Variants in DST observed in about 807,000 individuals in gnomAD.
The protein encoded by DST is dystonin, also known as bullous pemphigoid antigen.
A neutral mutation model predicts 875.2 loss-of-function variants in DST; 253 were observed. The ratio of observed to expected loss-of-function variants is 0.29; its 90% CI spans 0.26 to 0.32. DST has a LOEUF of 0.32. Among genes scored for constraint, DST ranks in the 10% least tolerant of loss-of-function variants. The pLI, the probability that DST is intolerant of heterozygous loss-of-function variation, is 1.00. For synonymous variants in DST, 3,124 were observed against 3,197.1 expected (o/e 0.98, Z 0.77); for missense variants, 8,287 against 9,111.6 (o/e 0.91, Z 3.68).
chr6:56,598,551 A>C lies in DST; in HGVS notation c.11853T>G (p.Leu3951=), dbSNP rs754660042. Residue 3951 remains leucine, a synonymous_variant, in exon 46 of 104, where the codon CTT becomes CTG. Coordinates refer to ENST00000680361, the MANE Select transcript of DST (RefSeq NM_001374736.1). Reference sequence around the variant, plus strand: ...TTTTAGACTGTTCTGCTTTTAAATTAAGCTGTTCACACTTTATCTTAGCTT... The same window carrying C: ...TTTTAGACTGTTCTGCTTTTAAATTCAGCTGTTCACACTTTATCTTAGCTT... ...LNEAKIKCEQ[L]NLKAEQSKKE... 3.1e-6 allele frequency: 5 copies of C among 1,610,296 alleles called. No individual in the cohort carries two copies. The highest frequency in any genetic ancestry group is 4.2e-6 in the Non-Finnish European group (5 of 1,178,116).
At chr6:56,801,344 TA>T (rs2099746582) in intron 4 of DST, among the ~76,000 whole-genome samples, 1 of 152,142 alleles carries the variant, frequency 6.6e-6, no homozygotes, top group Non-Finnish European at 1.5e-5. Context: ...CCAAAACATT[TA>T]ACTTCTCTGA....
At chr6:56,618,875 T>G in intron 36 of DST, 2 of 1,614,166 alleles carry the variant, frequency 1.2e-6, no homozygotes, top group South Asian at 1.1e-5. Context: ...TAATTCGTCT[T>G]GTACTTTTTT....
intron 78 of DST, 62 bp from the exon 79 acceptor site, chr6:56,501,755 ATCT>A (rs1386829744): frequency 8.1e-7 from 1 of 1,240,042 alleles, no homozygotes; most frequent in African/African-American, 1.6e-5. Flanking sequence ...AAACAAAGAA[ATCT>A]ATTGGTTATA....
intron 3 of DST, among the ~76,000 whole-genome samples, chr6:56,853,978 C>G (rs1182744725): frequency 6.6e-6 from 1 of 152,164 alleles, no homozygotes; most frequent in Non-Finnish European, 1.5e-5. Context: ...AAGTCTCTCC[C>G]AGGCTACATG....
At chr6:56,816,696 G>C (rs751696254) in intron 4 of DST, among the ~76,000 whole-genome samples, 1 of 152,120 alleles carries the variant, frequency 6.6e-6, no homozygotes, top group Non-Finnish European at 1.5e-5. Flanking sequence ...TAGTTAGCAG[G>C]AGACACTCAA....
intron 42 of DST, 29 bp downstream of exon 42, chr6:56,603,176 A>C: frequency 6.4e-7 from 1 of 1,565,042 alleles, no homozygotes; most frequent in Non-Finnish European, 8.7e-7. Context: ...TTTTCTTCAT[A>C]AATCAAAATT....
At chr6:56,772,952 A>G (rs1425229052) in intron 4 of DST, among the ~76,000 whole-genome samples, 2 of 151,492 alleles carry the variant, frequency 1.3e-5, no homozygotes, top group East Asian at 3.9e-4. Flanking sequence ...ACTCTCCCTC[A>G]CTCTTGGTTT....
chr6:56,871,540 T>C lies in DST; in HGVS notation c.418-19936A>G, dbSNP rs1451290993. ...GTAGATTCTCTGGTCATTGAGCATATCCAAATAAACAAAGCACCTAAGACA... is the reference window on the plus strand; with the variant it reads ...GTAGATTCTCTGGTCATTGAGCATACCCAAATAAACAAAGCACCTAAGACA... On this transcript the variant is annotated intron_variant, in intron 3 of 103. Transcript: ENST00000680361. The C allele has an allele frequency of 3.3e-5, 42 of 1,262,514 alleles. No individual in the cohort carries two copies. The Middle Eastern group carries it at 1.1e-3, about 32-fold the overall frequency. 78.2% of individuals were successfully genotyped at this position (1,262,514 alleles called of 1,614,324 possible). A position where few individuals can be genotyped will look rare whatever the true frequency, so the allele number is the denominator to read the frequency against.
At chr6:56,632,824 G>T (rs758343662) in intron 28 of DST, 30 bp downstream of exon 28, 69 of 1,601,572 alleles carry the variant, frequency 4.3e-5, no homozygotes, top group Non-Finnish European at 5.9e-5. Flanking sequence ...CACCTATGGG[G>T]AAAAAAAGAC....
intron 5 of DST, among the ~76,000 whole-genome samples, chr6:56,729,715 T>G (rs1228890844): frequency 6.6e-6 from 1 of 152,168 alleles, no homozygotes; most frequent in African/African-American, 2.4e-5. Flanking sequence ...GAGCTTTTTT[T>G]TCTGTTCTCT....
At chr6:56,489,081 C>T (rs1294288328) in intron 86 of DST, among the ~76,000 whole-genome samples, 1 of 152,100 alleles carries the variant, frequency 6.6e-6, no homozygotes, top group Admixed American at 6.5e-5. Context: ...TAAAAGAATC[C>T]ATACCGCAAA....
chr6:56,879,975 T>C (rs950594573), intron 3 of DST, among the ~76,000 whole-genome samples: 3 of 152,268 alleles, frequency 2.0e-5, no homozygotes, highest in African/African-American at 7.2e-5. Context: ...CTAAAGTAGG[T>C]GCTATTGTAG....
At chr6:56,881,256 C>T (rs868041907) in intron 3 of DST, among the ~76,000 whole-genome samples, 10 of 152,074 alleles carry the variant, frequency 6.6e-5, no homozygotes, top group Middle Eastern at 3.2e-3. Context: ...GGGCAGATCA[C>T]GAGGTCAGGA....
In DST at chr6:56,633,078, C is replaced by T. The variant is rs759682988; in HGVS notation, c.3622-41G>A. 5 of 1,562,978 alleles carry T rather than the reference C, an allele frequency of 3.2e-6. No homozygotes were observed. In the African/African-American group the frequency reaches 5.4e-5, roughly 17 times the overall value. Reference sequence around the variant, plus strand: ...GACCCATGTAATTCATTCTATTACTCATAGATTTGAATGGGAGACACTTCA... The same window carrying T: ...GACCCATGTAATTCATTCTATTACTTATAGATTTGAATGGGAGACACTTCA... On this transcript the variant is annotated intron_variant, in intron 27 of 103. Coordinates refer to ENST00000680361, the MANE Select transcript of DST (RefSeq NM_001374736.1).
chr6:56,643,254 G>A (rs754387244), intron 15 of DST, among the ~76,000 whole-genome samples: 6 of 152,098 alleles, frequency 3.9e-5, no homozygotes, highest in Non-Finnish European at 7.4e-5. Context: ...CAAAAGACCA[G>A]GTCTGTGCTG....
intron 69 of DST, among the ~76,000 whole-genome samples, chr6:56,520,663 T>C (rs2096678998): frequency 6.6e-6 from 1 of 152,034 alleles, no homozygotes; most frequent in Non-Finnish European, 1.5e-5. Flanking sequence ...CAAAATAACT[T>C]ATGTACCTCA....
intron 4 of DST, among the ~76,000 whole-genome samples, chr6:56,844,351 C>A (rs1486808847): frequency 1.3e-5 from 2 of 152,186 alleles, no homozygotes; most frequent in Non-Finnish European, 2.9e-5. Flanking sequence ...GGCGCATCTG[C>A]TGCTGGGCTC....
chr6:56,889,361 G>A (rs1204238531), intron 3 of DST, among the ~76,000 whole-genome samples: 1 of 152,146 alleles, frequency 6.6e-6, no homozygotes, highest in Non-Finnish European at 1.5e-5. Context: ...TCAGAAAAGA[G>A]GATCACCCAA....
chr6:56,872,829 C>T (rs1389327047), intron 3 of DST, among the ~76,000 whole-genome samples: 1 of 137,838 alleles, frequency 7.3e-6, no homozygotes, highest in Non-Finnish European at 1.6e-5. Context: ...GATTCCCCCC[C>T]CCCTTTTTTT....
Sources: gnomAD v4.1 joint callset for allele counts (sites outside exome capture counted in the v4.1 genomes callset) on GRCh38, gnomAD v4.1.1 for gene constraint, MANE v1.5 for transcripts, NCBI Gene and HGNC (gene_info 2026-07-23, HGNC 2026-07-21) for gene names.